CNTNAP2: variants seen among roughly 807,000 people sequenced by gnomAD.
CNTNAP2 encodes contactin-associated protein-like 2.
Under a neutral mutation model 155.2 loss-of-function variants are expected in CNTNAP2, and 98 were observed. The observed-to-expected ratio is 0.63, with a 90% CI of 0.54 to 0.75. The LOEUF is 0.75. Ranked by LOEUF, CNTNAP2 falls within the 30% of genes least tolerant of loss-of-function variation. CNTNAP2 has a pLI of 0.00. For synonymous variants in CNTNAP2, 651 were observed against 631.2 expected, an observed-to-expected ratio of 1.03 and a Z score of -0.47; for missense variants, 1,727 against 1,688.1, an observed-to-expected ratio of 1.02 and a Z score of -0.40.
intron 22 of CNTNAP2, among the ~76,000 whole-genome samples, chr7:148,394,743 G>T (rs1295144016): frequency 6.6e-6 from 1 of 152,218 alleles, no homozygotes; most frequent in Non-Finnish European, 1.5e-5. Context: ...TGGGATTAGA[G>T]ATTCTGCATT....
At chr7:146,224,741 C>G (rs1799265348) in intron 1 of CNTNAP2, among the ~76,000 whole-genome samples, 1 of 152,058 alleles carries the variant, frequency 6.6e-6, no homozygotes, top group Non-Finnish European at 1.5e-5. Context: ...TGCACTCCAG[C>G]CTGGGTGACA....
At chr7:146,574,848 C>A (rs938948177) in intron 1 of CNTNAP2, among the ~76,000 whole-genome samples, 5 of 152,058 alleles carry the variant, frequency 3.3e-5, no homozygotes, top group African/African-American at 1.2e-4. Context: ...AGATAATGAC[C>A]TACTGATTGA....
chr7:146,390,106 T>C (rs1795518862), intron 1 of CNTNAP2, among the ~76,000 whole-genome samples: 1 of 152,176 alleles, frequency 6.6e-6, no homozygotes. Context: ...TTACTTTTAG[T>C]AAATATTCCA....
intron 21 of CNTNAP2, among the ~76,000 whole-genome samples, chr7:148,373,837 T>TC (rs1384500998): frequency 6.6e-6 from 1 of 152,164 alleles, no homozygotes; most frequent in Non-Finnish European, 1.5e-5. Flanking sequence ...TCCAAAGGCC[T>TC]CCCAGTGGGT....
chr7:147,849,903 C>T (rs551285609), intron 13 of CNTNAP2: 4 of 152,340 alleles, frequency 2.6e-5, no homozygotes, highest in South Asian at 2.1e-4. Context: ...CTTACCATCC[C>T]GAATATGCCT....
rs975312092 is a variant in CNTNAP2 at position 146,912,435 on chromosome 7, A to T, written c.402+72531A>T. ...CATTTTTTATCCATAATAAGAAAAAAGATAAATACAATTTTGTGGGAAATG... is the reference window on the plus strand; with the variant it reads ...CATTTTTTATCCATAATAAGAAAAATGATAAATACAATTTTGTGGGAAATG... On this transcript the variant is annotated intron_variant, in intron 3 of 23. Transcript: ENST00000361727. Among the ~76,000 whole-genome samples the T allele has an allele frequency of 3.9e-5, 6 of 152,134 alleles. No homozygotes were observed. The East Asian group carries it at 1.2e-3, about 29-fold the overall frequency.
chr7:146,576,146 G>C (rs1798520673), intron 1 of CNTNAP2, among the ~76,000 whole-genome samples: 1 of 152,188 alleles, frequency 6.6e-6, no homozygotes, highest in Admixed American at 6.5e-5. Flanking sequence ...GGATCCAGAA[G>C]TGAGATCATG....
intron 4 of CNTNAP2, among the ~76,000 whole-genome samples, chr7:147,066,738 G>A (rs544791400): frequency 7.2e-5 from 11 of 152,222 alleles, no homozygotes; most frequent in African/African-American, 2.4e-4. Flanking sequence ...ACCATGGTGG[G>A]TATTTATTTC....
chr7:147,435,472 G>C (rs190258856), intron 10 of CNTNAP2, among the ~76,000 whole-genome samples: 58 of 152,248 alleles, frequency 3.8e-4, no homozygotes, highest in Admixed American at 7.2e-4. Context: ...TAGGCATTAG[G>C]ATCTGAGACT....
chr7:147,942,780 G>T, intron 14 of CNTNAP2, among the ~76,000 whole-genome samples: 1 of 152,254 alleles, frequency 6.6e-6, no homozygotes, highest in African/African-American at 2.4e-5. Context: ...GCTCACGCCC[G>T]TAATCCCAGC....
At chr7:146,568,268 G>A (rs748482817) in intron 1 of CNTNAP2, among the ~76,000 whole-genome samples, 12 of 152,154 alleles carry the variant, frequency 7.9e-5, no homozygotes, top group Non-Finnish European at 1.5e-4. Flanking sequence ...TTCCTAATTA[G>A]GGTAGCAACA....
Position 147,089,463 on chromosome 7 carries a change from C to T in CNTNAP2, c.551-18684C>T, listed in dbSNP as rs1800351931. 2.6e-5 allele frequency among the ~76,000 whole-genome samples: 4 copies of T among 152,180 alleles called. No individual in the cohort carries two copies. The South Asian group carries it at 8.3e-4, about 31-fold the overall frequency. On this transcript the variant is annotated intron_variant, in intron 4 of 23. Coordinates refer to ENST00000361727, the MANE Select transcript of CNTNAP2 (RefSeq NM_014141.6). ...TTTCTCACATATGTCTAAAATTTTA[C>T]ACTTTTTCCTTTATTTTTACTTGAT...
intron 1 of CNTNAP2, among the ~76,000 whole-genome samples, chr7:146,309,886 A>C (rs1800789998): frequency 6.6e-6 from 1 of 151,992 alleles, no homozygotes; most frequent in Non-Finnish European, 1.5e-5. Context: ...AAGAGGAAAT[A>C]GAATTTAACA....
intron 3 of CNTNAP2, among the ~76,000 whole-genome samples, chr7:146,975,279 A>T (rs1797887779): frequency 6.6e-6 from 1 of 152,130 alleles, no homozygotes; most frequent in African/African-American, 2.4e-5. Context: ...ACCCTGGCCA[A>T]CATGGCAAAA....
intron 13 of CNTNAP2, among the ~76,000 whole-genome samples, chr7:147,763,243 G>A (rs1186398806): frequency 7.3e-6 from 1 of 137,404 alleles, no homozygotes; most frequent in Non-Finnish European, 1.5e-5. Context: ...TGGGCAACAA[G>A]AGCAGAAACT....
chr7:146,650,924 G>T (rs915992190), intron 1 of CNTNAP2, among the ~76,000 whole-genome samples: 1 of 152,112 alleles, frequency 6.6e-6, no homozygotes, highest in Non-Finnish European at 1.5e-5. Context: ...GGAGGCTGAG[G>T]TGTGAGAATT....
chr7:148,334,157 CAG>C (rs1449332807), intron 21 of CNTNAP2, among the ~76,000 whole-genome samples: 4 of 152,182 alleles, frequency 2.6e-5, no homozygotes, highest in South Asian at 2.1e-4. Context: ...GTTCTTTTAT[CAG>C]AGAGTCTAGT....
intron 21 of CNTNAP2, among the ~76,000 whole-genome samples, chr7:148,350,940 C>T (rs1168800669): frequency 1.3e-5 from 2 of 152,220 alleles, no homozygotes; most frequent in Non-Finnish European, 2.9e-5. Context: ...TGTGCCTACA[C>T]TTGTTCATTC....
chr7:147,124,681 T>C (rs1801196895), intron 6 of CNTNAP2, among the ~76,000 whole-genome samples: 1 of 152,188 alleles, frequency 6.6e-6, no homozygotes, highest in South Asian at 2.1e-4. Flanking sequence ...TTATAGCTTA[T>C]GTAGTGGAAG....
Sources: gnomAD v4.1 joint callset for allele counts (sites outside exome capture counted in the v4.1 genomes callset) on GRCh38, gnomAD v4.1.1 for gene constraint, MANE v1.5 for transcripts, NCBI Gene and HGNC (gene_info 2026-07-23, HGNC 2026-07-21) for gene names.